The following TRIO variants were observed in gnomAD, a reference collection of about 807,000 sequenced individuals.
TRIO encodes the protein trio Rho guanine nucleotide exchange factor.
TRIO carries 58 observed loss-of-function variants against 351.9 expected under a neutral mutation model. The ratio of observed to expected loss-of-function variants is 0.16; its 90% CI spans 0.13 to 0.21. The LOEUF is 0.21. Ranked by LOEUF, TRIO falls within the 10% of genes least tolerant of loss-of-function variation. The pLI is 1.00. For missense variants in TRIO, 3,201 were observed against 4,027.8 expected, an observed-to-expected ratio of 0.79 and a Z score of 5.56; for synonymous variants, 1,758 against 1,595.7, an observed-to-expected ratio of 1.10 and a Z score of -2.42.
chr5:14,173,190 CTTTTTTTT>C (rs758636385), intron 1 of TRIO, among the ~76,000 whole-genome samples: 111 of 66,506 alleles, frequency 1.7e-3, no homozygotes, highest in African/African-American at 1.1e-3. Flanking sequence ...TTGTATGTTC[CTTTTTTTT>C]TTTTTTTTTT....
At chr5:14,361,773 G>A (rs548344325) in intron 13 of TRIO, among the ~76,000 whole-genome samples, 21 of 152,306 alleles carry the variant, frequency 1.4e-4, no homozygotes, top group Middle Eastern at 3.4e-3. Flanking sequence ...GGGTGGTGTC[G>A]TCATCTCTCG....
chr5:14,481,107 C>G, intron 43 of TRIO, 127 bp from the exon 44 acceptor site: 1 of 969,664 alleles, frequency 1.0e-6, no homozygotes, highest in Non-Finnish European at 1.5e-6. Flanking sequence ...AAGAGGATCA[C>G]TTGAGGCCAG....
At chr5:14,388,768 G>GAATAATCAC (rs1746786326) in intron 24 of TRIO, 89 bp downstream of exon 24, 1 of 1,406,678 alleles carries the variant, frequency 7.1e-7, no homozygotes, top group East Asian at 2.3e-5. Flanking sequence ...GTAGTCCTTA[G>GAATAATCAC]AATAATCACA....
At chr5:14,453,851 GAGTT>G (rs1304867930) in intron 34 of TRIO, among the ~76,000 whole-genome samples, 1 of 152,216 alleles carries the variant, frequency 6.6e-6, no homozygotes, top group African/African-American at 2.4e-5. Context: ...GCAGGACTGA[GAGTT>G]AGTTGACTTT....
At chr5:14,498,835 C>T in intron 53 of TRIO, 195 bp downstream of exon 53, 1 of 736,886 alleles carries the variant, frequency 1.4e-6, no homozygotes, top group Non-Finnish European at 2.0e-6. Flanking sequence ...GACCTCTCGG[C>T]ACCTTATGTA....
intron 1 of TRIO, among the ~76,000 whole-genome samples, chr5:14,196,291 C>T (rs965307382): frequency 7.9e-5 from 12 of 151,946 alleles, no homozygotes; most frequent in East Asian, 1.9e-4. Context: ...GGCGTGGTGG[C>T]GTGCTCCTGT....
chr5:14,505,825 G>T (rs73752104), intron 55 of TRIO, among the ~76,000 whole-genome samples: 1 of 152,128 alleles, frequency 6.6e-6, no homozygotes, highest in East Asian at 1.9e-4. Flanking sequence ...CTTCCAGCCC[G>T]TCTTTCAAGA....
At chr5:14,293,225 G>A (rs1737058427) in intron 6 of TRIO, 91 bp downstream of exon 6, 19 of 1,565,418 alleles carry the variant, frequency 1.2e-5, no homozygotes, top group Admixed American at 1.7e-5. Flanking sequence ...GGCTTTCAAG[G>A]GGCCTTCGGA....
chr5:14,409,405 C>T (rs1402637957), intron 33 of TRIO, among the ~76,000 whole-genome samples: 2 of 150,796 alleles, frequency 1.3e-5, no homozygotes, highest in African/African-American at 4.9e-5. Flanking sequence ...CAAATTTTAC[C>T]CTAGCAGTCC....
At chr5:14,178,188 G>A (rs958763469) in intron 1 of TRIO, among the ~76,000 whole-genome samples, 7 of 152,182 alleles carry the variant, frequency 4.6e-5, no homozygotes, top group African/African-American at 1.2e-4. Flanking sequence ...TGCCAAACAA[G>A]CAGCAGAAAC....
chr5:14,477,678 C>T (rs777368750), intron 41 of TRIO, among the ~76,000 whole-genome samples: 4 of 152,214 alleles, frequency 2.6e-5, no homozygotes, highest in Non-Finnish European at 4.4e-5. Context: ...ATGAACTTCT[C>T]CCTTGCTGTG....
chr5:14,156,812 T>A (rs527339907), intron 1 of TRIO, among the ~76,000 whole-genome samples: 3 of 152,154 alleles, frequency 2.0e-5, no homozygotes, highest in Non-Finnish European at 2.9e-5. Context: ...ACAAAACAGA[T>A]GAAGTAATGC....
chr5:14,492,878 G>T (rs1756593759), intron 49 of TRIO, 64 bp downstream of exon 49: 1 of 1,587,700 alleles, frequency 6.3e-7, no homozygotes, highest in Non-Finnish European at 8.6e-7. Context: ...GCACCCGTGA[G>T]GCACACGACC....
chr5:14,159,681 G>GCGATC (rs1223633588), intron 1 of TRIO, among the ~76,000 whole-genome samples: 2 of 151,712 alleles, frequency 1.3e-5, no homozygotes, highest in Non-Finnish European at 2.9e-5. Flanking sequence ...TCCTGCCTCA[G>GCGATC]CCTCCCGAAT....
intron 1 of TRIO, among the ~76,000 whole-genome samples, chr5:14,209,364 A>G (rs1475109606): frequency 1.3e-5 from 2 of 152,228 alleles, no homozygotes; most frequent in African/African-American, 4.8e-5. Context: ...TAGAAGTAGA[A>G]AGAATGGGTG....
chr5:14,182,832 C>T (rs1447169915), intron 1 of TRIO, among the ~76,000 whole-genome samples: 1 of 150,224 alleles, frequency 6.7e-6, no homozygotes, highest in Non-Finnish European at 1.5e-5. Context: ...CAGAGATTTC[C>T]TAAGGAAAAT....
Position 14,262,028 on chromosome 5 carries a change from CT to C in TRIO, c.158-8796del, listed in dbSNP as rs146931793. Among the ~76,000 whole-genome samples, 785 of 152,272 alleles carry C rather than the reference CT, an allele frequency of 5.2e-3. 10 individuals are homozygous for C. Among genetic ancestry groups the C allele is most frequent in the African/African-American group, 0.018 (756 of 41,552 alleles). On this transcript the variant is annotated intron_variant, in intron 1 of 56. Transcript: ENST00000344204. ...GCCTAGATGGATACTCTGCCCAGAACTGCGAATTGTAGAGTACCACGTGTTT... is the reference window on the plus strand; with the variant it reads ...GCCTAGATGGATACTCTGCCCAGAACGCGAATTGTAGAGTACCACGTGTTT...
At position 14,488,115 on chromosome 5, in the gene TRIO, G is replaced by C. The variant is rs375694147; in HGVS notation, c.7487G>C (p.Arg2496Pro). ...WSSIPASPAS[R>P]PGSFTFPGDS... is the part of the protein sequence containing the mutation. ...TCCATCCCCGCCTCCCCCGCCAGCC[G>C]ACCCGGCTCCTTCACCTTCCCGGGG... The change falls in exon 48 of 57, where the codon CGA (arginine) becomes CCA (proline). Residue 2496 changes from arginine to proline, a missense_variant. This residue lies in a region of TRIO where 1,089 missense variants were observed against 954.9 expected (regional missense o/e 1.14). Transcript: ENST00000344204. 1.2e-6 allele frequency: 2 copies of C among 1,609,460 alleles called. No homozygotes were observed. The highest frequency in any genetic ancestry group is 1.1e-5 in the South Asian group (1 of 90,946).
intron 3 of TRIO, among the ~76,000 whole-genome samples, chr5:14,282,954 T>C (rs1013473653): frequency 7.9e-5 from 12 of 152,050 alleles, no homozygotes; most frequent in Non-Finnish European, 2.9e-5. Flanking sequence ...GATTTCAGAG[T>C]AGTCCAAATT....
Sources: gnomAD v4.1 joint callset for allele counts (sites outside exome capture counted in the v4.1 genomes callset) on GRCh38, gnomAD v4.1.1 for gene constraint, gnomAD v4.1.1 regional missense constraint, MANE v1.5 for transcripts, NCBI Gene and HGNC (gene_info 2026-07-23, HGNC 2026-07-21) for gene names.